The following ANKRD36C variants were observed in gnomAD, a reference collection of about 807,000 sequenced individuals.
ANKRD36C encodes the protein ankyrin repeat domain 36C.
ANKRD36C carries 61 observed loss-of-function variants against 276.4 expected under a neutral mutation model. The ratio of observed to expected loss-of-function variants is 0.22; its 90% confidence interval spans 0.18 to 0.27. The LOEUF (loss-of-function observed/expected upper bound fraction) is 0.27. Ranked by LOEUF, ANKRD36C falls within the 10% of genes least tolerant of loss-of-function variation. The pLI, the probability that ANKRD36C is intolerant of heterozygous loss-of-function variation, is 1.00. For missense variants in ANKRD36C, 1,447 were observed against 2,032.3 expected (o/e 0.71, Z 5.54); for synonymous variants, 483 against 680.1 (o/e 0.71, Z 4.51).
Position 95,857,337 on chromosome 2 carries a change from A to T in ANKRD36C, c.4052T>A (p.Leu1351Ter). 6.3e-7 allele frequency: 1 copy of T among 1,597,042 alleles called. No homozygotes were observed. Among genetic ancestry groups the T allele is most frequent in the Non-Finnish European group, 8.5e-7 (1 of 1,175,258 alleles). Residue 1351 changes from leucine to a stop codon, truncating the protein, a stop_gained, in exon 62 of 67, where the codon TTG becomes TAG. Transcript: ENST00000456556. LOFTEE classifies it high-confidence loss of function. Reference sequence around the variant, plus strand: ...ATTTGAATTATTTCCTCCTGTCTTCAATTCCACCTCTGCTGATTTGAGAGC... The same window carrying T: ...ATTTGAATTATTTCCTCCTGTCTTCTATTCCACCTCTGCTGATTTGAGAGC...
At chr2:95,977,117 T>C (rs1678827342) in intron 6 of ANKRD36C, among the ~76,000 whole-genome samples, 1 of 152,044 alleles carries the variant, frequency 6.6e-6, no homozygotes, top group East Asian at 1.9e-4. Flanking sequence ...AGGGAAGTTA[T>C]TCTTCCCTGT....
chr2:95,893,569 C>A, intron 44 of ANKRD36C: 1 of 1,561,830 alleles, frequency 6.4e-7, no homozygotes, highest in Non-Finnish European at 8.7e-7. Flanking sequence ...TTTTCTCTGG[C>A]TATATTCAAA....
At chr2:95,988,584 T>G (rs1679078290) in intron 1 of ANKRD36C, among the ~76,000 whole-genome samples, 1 of 152,096 alleles carries the variant, frequency 6.6e-6, no homozygotes, top group African/African-American at 2.4e-5. Flanking sequence ...ATAACTGGAT[T>G]GAAAGAATGC....
intron 60 of ANKRD36C, among the ~76,000 whole-genome samples, chr2:95,865,059 C>T (rs1325038564): frequency 1.3e-5 from 2 of 151,936 alleles, no homozygotes; most frequent in Non-Finnish European, 2.9e-5. Flanking sequence ...ATTAGCAATG[C>T]TCAACCTGTA....
chr2:95,889,852 T>A (rs1465812626), exon 48 of ANKRD36C: 1 of 1,603,726 alleles, frequency 6.2e-7, no homozygotes, highest in African/African-American at 1.3e-5. Flanking sequence ...CGGAACAGAA[T>A]TTTCCTTGTC....
intron 28 of ANKRD36C, among the ~76,000 whole-genome samples, chr2:95,927,001 T>A (rs1677421398): frequency 6.6e-6 from 1 of 151,618 alleles, no homozygotes; most frequent in Admixed American, 6.6e-5. Flanking sequence ...CAACGTTTAT[T>A]CTTCCCAATT....
At chr2:95,902,246 T>C (rs1291331525) in intron 42 of ANKRD36C, among the ~76,000 whole-genome samples, 1 of 149,200 alleles carries the variant, frequency 6.7e-6, no homozygotes, top group Non-Finnish European at 1.5e-5. Flanking sequence ...TGAGTCAGTG[T>C]GGTGGTGTAT....
intron 58 of ANKRD36C, among the ~76,000 whole-genome samples, chr2:95,878,950 A>G (rs1003428121): frequency 6.6e-6 from 1 of 152,206 alleles, no homozygotes; most frequent in Non-Finnish European, 1.5e-5. Context: ...CAGCAATCCC[A>G]TTGCTAGGTA....
intron 16 of ANKRD36C, among the ~76,000 whole-genome samples, chr2:95,949,118 G>A (rs1678130838): frequency 6.6e-6 from 1 of 152,068 alleles, no homozygotes; most frequent in African/African-American, 2.4e-5. Flanking sequence ...CTTAAAGAGG[G>A]CCCACTGATT....
At position 95,855,764 on chromosome 2, in the gene ANKRD36C, A is replaced by T; in HGVS notation, c.4497T>A (p.Cys1499Ter). The T allele has an allele frequency of 6.2e-7, 1 of 1,613,856 alleles. No individual in the cohort carries two copies. Among genetic ancestry groups the T allele is most frequent in the Non-Finnish European group, 8.5e-7 (1 of 1,179,834 alleles). Reference sequence around the variant, plus strand: ...AATTCAAATTTTCCTGTAAATGACAACATTTATCTACTGTGCCCTGGAAAG... The same window carrying T: ...AATTCAAATTTTCCTGTAAATGACATCATTTATCTACTGTGCCCTGGAAAG... Residue 1499 changes from cysteine (C) to a stop codon, truncating the protein, a stop_gained, in exon 63 of 67, where the codon TGT becomes TGA. Transcript: ENST00000456556. LOFTEE classifies it high-confidence loss of function.
At chr2:95,945,806 C>T (rs1402179755) in intron 17 of ANKRD36C, among the ~76,000 whole-genome samples, 1 of 152,024 alleles carries the variant, frequency 6.6e-6, no homozygotes, top group African/African-American at 2.4e-5. Flanking sequence ...ATCCTGACAA[C>T]AGAAACAGAG....
intron 42 of ANKRD36C, 145 bp from the exon 53 acceptor site, chr2:95,903,226 G>A: frequency 7.3e-7 from 1 of 1,369,782 alleles, no homozygotes; most frequent in East Asian, 2.6e-5. Context: ...CTGGGGACTA[G>A]AACATGACGG....
In ANKRD36C at chr2:95,883,548, C is replaced by T. The variant is rs182965006; in HGVS notation, c.3265+625G>A. Among the ~76,000 whole-genome samples, 20 of 152,120 alleles carry T rather than the reference C, an allele frequency of 1.3e-4. No homozygotes were observed. In the East Asian group the frequency reaches 3.3e-3, roughly 25 times the overall value. On this transcript the variant is annotated intron_variant, in intron 54 of 66. Coordinates refer to ENST00000456556, the Ensembl canonical transcript of ANKRD36C. ...GGAGTAATGAGTCACTGTGGTTTAT[C>T]CCAATTCTAGGAGTCCTTCCTGCTT...
chr2:95,955,669 A>C (rs1276235691), intron 13 of ANKRD36C, among the ~76,000 whole-genome samples: 1 of 152,122 alleles, frequency 6.6e-6, no homozygotes, highest in African/African-American at 2.4e-5. Context: ...ACTCAATGAC[A>C]GAATGATGTA....
At chr2:95,912,081 A>T (rs1573759275) in intron 42 of ANKRD36C, among the ~76,000 whole-genome samples, 163 bp downstream of exon 44, 1 of 151,384 alleles carries the variant, frequency 6.6e-6, no homozygotes, top group Middle Eastern at 3.2e-3. Context: ...ATCATGTTCC[A>T]GACCAGCAGC....
chr2:95,949,510 T>C (rs1678140825), intron 16 of ANKRD36C, among the ~76,000 whole-genome samples: 1 of 152,228 alleles, frequency 6.6e-6, no homozygotes, highest in Admixed American at 6.5e-5. Context: ...AATTTGGCTG[T>C]CCCCTGCAAA....
chr2:95,989,863 A>G (rs1679101692), intron 1 of ANKRD36C, among the ~76,000 whole-genome samples: 1 of 152,168 alleles, frequency 6.6e-6, no homozygotes, highest in Non-Finnish European at 1.5e-5. Flanking sequence ...TCCCAGGAAC[A>G]CTAAATATTT....
At chr2:95,882,531 T>G in intron 54 of ANKRD36C, 34 bp from the exon 75 acceptor site, 1 of 1,550,096 alleles carries the variant, frequency 6.5e-7, no homozygotes, top group Non-Finnish European at 8.7e-7. Flanking sequence ...ATCCATCATA[T>G]GTAAATATGA....
At chr2:95,893,860 TG>T in intron 44 of ANKRD36C, 136 bp from the exon 63 acceptor site, 2 of 1,469,198 alleles carry the variant, frequency 1.4e-6, no homozygotes. Context: ...ACTTTGTGTC[TG>T]GGGACTAGAA....
Sources: allele counts gnomAD v4.1 joint callset (sites outside exome capture counted in the v4.1 genomes callset), GRCh38; gene constraint gnomAD v4.1.1; transcripts MANE v1.5; gene names NCBI Gene and HGNC (gene_info 2026-07-23, HGNC 2026-07-21).